Variants in CUBN observed in about 807,000 individuals in gnomAD.
CUBN encodes cubilin, also known as 460 kDa receptor.
In CUBN, 282 loss-of-function variants were observed where a neutral mutation model predicts 405.3. That is an observed-to-expected ratio of 0.70 (90% CI 0.63 to 0.77). The LOEUF (loss-of-function observed/expected upper bound fraction) is 0.77. CUBN is among the 30% of genes least tolerant of loss of function. The pLI is 0.00. For missense variants in CUBN, 4,514 were observed against 4,475.2 expected (o/e 1.01, Z -0.25); for synonymous variants, 1,684 against 1,617.0 (o/e 1.04, Z -0.99).
At chr10:16,924,983 T>C in intron 43 of CUBN, among the ~76,000 whole-genome samples, 1 of 152,162 alleles carries the variant, frequency 6.6e-6, no homozygotes, top group East Asian at 1.9e-4. Flanking sequence ...TCATGGAAAA[T>C]TTCACTTTGG....
intron 57 of CUBN, among the ~76,000 whole-genome samples, chr10:16,876,226 G>T (rs1186395128): frequency 6.6e-6 from 1 of 152,198 alleles, no homozygotes; most frequent in African/African-American, 2.4e-5. Context: ...CAGCTGAGAT[G>T]TCTATTAGAT....
At chr10:16,946,680 G>A (rs1040812010) in intron 36 of CUBN, among the ~76,000 whole-genome samples, 5 of 151,914 alleles carry the variant, frequency 3.3e-5, no homozygotes, top group African/African-American at 1.2e-4. Context: ...ATTTTTAGTA[G>A]AGACGGGGTT....
intron 28 of CUBN, among the ~76,000 whole-genome samples, chr10:16,995,550 T>G (rs1468298945): frequency 6.6e-6 from 1 of 152,138 alleles, no homozygotes; most frequent in Non-Finnish European, 1.5e-5. Flanking sequence ...CCCAGGCTGG[T>G]CTTGAACTCC....
intron 27 of CUBN, among the ~76,000 whole-genome samples, chr10:17,038,709 T>C (rs1834950361): frequency 6.6e-6 from 1 of 152,236 alleles, no homozygotes; most frequent in Non-Finnish European, 1.5e-5. Context: ...TGTAAATGGT[T>C]GTTTGTGTGT....
chr10:17,013,784 G>A (rs1172664002), intron 28 of CUBN, among the ~76,000 whole-genome samples: 1 of 152,210 alleles, frequency 6.6e-6, no homozygotes, highest in East Asian at 1.9e-4. Context: ...CCTGGGGGAA[G>A]AGGCTTACTT....
intron 56 of CUBN, among the ~76,000 whole-genome samples, chr10:16,882,118 A>G (rs1178546207): frequency 1.3e-5 from 2 of 152,216 alleles, no homozygotes; most frequent in Non-Finnish European, 2.9e-5. Context: ...CTTCTTCAAG[A>G]AGCAAGATGG....
At chr10:16,913,470 G>A (rs776052367) in intron 48 of CUBN, among the ~76,000 whole-genome samples, 4 of 152,104 alleles carry the variant, frequency 2.6e-5, no homozygotes, top group Non-Finnish European at 4.4e-5. Flanking sequence ...GAACTTTCGT[G>A]GTGGCTTGTG....
At chr10:17,083,428 T>C (rs1836016048) in intron 17 of CUBN, among the ~76,000 whole-genome samples, 1 of 152,030 alleles carries the variant, frequency 6.6e-6, no homozygotes, top group African/African-American at 2.4e-5. Context: ...TTGCTTGAAC[T>C]CAGGAGGCAG....
intron 28 of CUBN, among the ~76,000 whole-genome samples, chr10:17,016,167 A>G (rs4474344): frequency 0.64 from 96,862 of 150,248 alleles, 31,602 homozygotes; most frequent in African/African-American, 0.75. Context: ...TCCCATAGCC[A>G]CTTGAGGAAG....
chr10:17,109,511 T>G, intron 10 of CUBN, 129 bp downstream of exon 10: 4 of 743,300 alleles, frequency 5.4e-6, no homozygotes, highest in Middle Eastern at 3.2e-4. Flanking sequence ...TTTTATGGCA[T>G]GGATTAATTT....
Position 16,918,801 on chromosome 10 carries a change from C to T in CUBN, c.6822-1G>A, listed in dbSNP as rs1353402674. 1.2e-6 allele frequency: 2 copies of T among 1,613,280 alleles called. No individual in the cohort carries two copies. The highest frequency in any genetic ancestry group is 1.3e-5 in the African/African-American group (1 of 74,846). On this transcript the variant is annotated splice_acceptor_variant, in intron 44 of 66. Transcript: ENST00000377833. LOFTEE classifies it high-confidence loss of function. ...CAACTCAAGGTAGTTGGAAGTACAGCTGAAGTGGGAACAAAATTCTGTTAA... is the reference window on the plus strand; with the variant it reads ...CAACTCAAGGTAGTTGGAAGTACAGTTGAAGTGGGAACAAAATTCTGTTAA...
At chr10:17,126,731 G>C (rs1327836315) in intron 4 of CUBN, 30 bp downstream of exon 4, 1 of 1,610,000 alleles carries the variant, frequency 6.2e-7, no homozygotes, top group Non-Finnish European at 8.5e-7. Flanking sequence ...TTCTGTGAAA[G>C]ATTTGGGTAT....
intron 28 of CUBN, among the ~76,000 whole-genome samples, chr10:17,015,082 T>C (rs1834291446): frequency 1.3e-5 from 2 of 152,240 alleles, no homozygotes; most frequent in African/African-American, 4.8e-5. Context: ...ATTGTACTCC[T>C]AGAATTGGGG....
intron 28 of CUBN, among the ~76,000 whole-genome samples, chr10:16,997,467 G>A (rs2131731420): frequency 6.6e-6 from 1 of 150,470 alleles, no homozygotes; most frequent in South Asian, 2.1e-4. Flanking sequence ...TGTGGAGGAA[G>A]GGAGGACACA....
chr10:16,922,785 A>T (rs1842073504), intron 43 of CUBN, among the ~76,000 whole-genome samples: 1 of 151,816 alleles, frequency 6.6e-6, no homozygotes, highest in Admixed American at 6.6e-5. Flanking sequence ...TCCTGGGCTG[A>T]AGTAGGTGTT....
At chr10:16,852,845 T>A (rs1186754216) in intron 59 of CUBN, among the ~76,000 whole-genome samples, 1 of 152,230 alleles carries the variant, frequency 6.6e-6, no homozygotes, top group Non-Finnish European at 1.5e-5. Flanking sequence ...TGCCAACAAA[T>A]CTTTTATTTA....
At chr10:16,853,124 G>A (rs1211620949) in intron 59 of CUBN, among the ~76,000 whole-genome samples, 1 of 152,168 alleles carries the variant, frequency 6.6e-6, no homozygotes, top group Non-Finnish European at 1.5e-5. Flanking sequence ...ATTTAGTTTT[G>A]TCTACTCCAT....
In CUBN at chr10:16,862,925, C is replaced by G. The variant is rs549023291; in HGVS notation, c.9454+6711G>C. ...ACTCAATTTTATCACTTAGTTTGGT[C>G]TCCACAATACCATGTGGTTTTATTT... On this transcript the variant is annotated intron_variant, in intron 59 of 66. Coordinates refer to ENST00000377833, the MANE Select transcript of CUBN (RefSeq NM_001081.4). Among the ~76,000 whole-genome samples, 6 of 152,326 alleles carry G rather than the reference C, an allele frequency of 3.9e-5. No individual in the cohort carries two copies. The East Asian group carries it at 1.2e-3, about 29-fold the overall frequency.
intron 59 of CUBN, among the ~76,000 whole-genome samples, chr10:16,854,656 A>G (rs1032092728): frequency 1.3e-5 from 2 of 152,184 alleles, no homozygotes; most frequent in Admixed American, 1.3e-4. Flanking sequence ...ACTAAATGTT[A>G]TTTTTAAACA....
Sources: allele counts gnomAD v4.1 joint callset (sites outside exome capture counted in the v4.1 genomes callset), GRCh38; gene constraint gnomAD v4.1.1; transcripts MANE v1.5; gene names NCBI Gene and HGNC (gene_info 2026-07-23, HGNC 2026-07-21).